NAALADL2: variants seen among roughly 807,000 people sequenced by gnomAD.
The protein encoded by NAALADL2 is N-acetylated alpha-linked acidic dipeptidase like 2.
In NAALADL2, 76 loss-of-function variants were observed where a neutral mutation model predicts 87.2. The observed-to-expected ratio is 0.87, with a 90% CI of 0.72 to 1.05. The LOEUF (loss-of-function observed/expected upper bound fraction) is 1.05. NAALADL2 is among the 50% of genes least tolerant of loss of function. The pLI, the probability that NAALADL2 is intolerant of heterozygous loss-of-function variation, is 0.00. For synonymous variants in NAALADL2, 354 were observed against 331.0 expected, an observed-to-expected ratio of 1.07 and a Z score of -0.75; for missense variants, 1,089 against 945.8, an observed-to-expected ratio of 1.15 and a Z score of -1.99.
intron 4 of NAALADL2, among the ~76,000 whole-genome samples, chr3:175,295,373 C>T (rs1031072680): frequency 6.6e-6 from 1 of 152,052 alleles, no homozygotes; most frequent in Non-Finnish European, 1.5e-5. Context: ...AACCTGAATT[C>T]GTTTCTTTTC....
intron 9 of NAALADL2, among the ~76,000 whole-genome samples, chr3:175,528,623 T>C (rs187426242): frequency 2.0e-5 from 3 of 152,272 alleles, no homozygotes; most frequent in Non-Finnish European, 4.4e-5. Flanking sequence ...CCTGAGATCA[T>C]ACATAAACTT....
intron 2 of NAALADL2, among the ~76,000 whole-genome samples, chr3:174,705,549 C>T (rs1431561978): frequency 3.9e-5 from 6 of 152,112 alleles, no homozygotes; most frequent in African/African-American, 1.4e-4. Context: ...CTTTGGGAGG[C>T]CGAGGCGGGT....
chr3:175,449,506 G>T (rs918088353), intron 6 of NAALADL2, among the ~76,000 whole-genome samples: 1 of 146,210 alleles, frequency 6.8e-6, no homozygotes, highest in African/African-American at 2.5e-5. Context: ...CACCATTCTC[G>T]CCTCAGCCTC....
intron 10 of NAALADL2, among the ~76,000 whole-genome samples, chr3:175,617,571 T>G (rs1725522030): frequency 6.6e-6 from 1 of 152,150 alleles, no homozygotes; most frequent in Non-Finnish European, 1.5e-5. Flanking sequence ...CAGGCAGCCA[T>G]TAGAGCCTCT....
intron 2 of NAALADL2, among the ~76,000 whole-genome samples, chr3:174,718,604 T>C (rs1399597022): frequency 6.6e-6 from 1 of 152,162 alleles, no homozygotes; most frequent in Admixed American, 6.5e-5. Context: ...AGACTGACAT[T>C]GTTCTCTCTA....
At chr3:175,155,635 A>T (rs16824291) in intron 2 of NAALADL2, among the ~76,000 whole-genome samples, 1,667 of 152,064 alleles carry the variant, frequency 0.011, 21 homozygotes, top group African/African-American at 0.037. Flanking sequence ...ACAGCTATGT[A>T]TGTGTGATTA....
At chr3:175,497,873 T>C (rs1173830745) in intron 9 of NAALADL2, among the ~76,000 whole-genome samples, 5 of 152,140 alleles carry the variant, frequency 3.3e-5, no homozygotes, top group African/African-American at 4.8e-5. Flanking sequence ...TAAATAGTTT[T>C]GTTTTGTTAT....
intron 9 of NAALADL2, among the ~76,000 whole-genome samples, chr3:175,539,797 AT>A (rs1468283266): frequency 3.9e-5 from 6 of 152,162 alleles, no homozygotes; most frequent in African/African-American, 1.4e-4. Context: ...ACTGAGAAAA[AT>A]TTTATGACAT....
At chr3:175,695,198 A>G (rs1348218549) in intron 11 of NAALADL2, among the ~76,000 whole-genome samples, 6 of 152,130 alleles carry the variant, frequency 3.9e-5, no homozygotes, top group Admixed American at 3.3e-4. Context: ...TCTTTCAGGC[A>G]TAGAATAGGG....
At chr3:174,895,260 TA>T (rs531405367) in intron 1 of NAALADL2, among the ~76,000 whole-genome samples, 85 of 149,716 alleles carry the variant, frequency 5.7e-4, no homozygotes, top group Non-Finnish European at 9.1e-4. Context: ...TTTGAAAACT[TA>T]AAAAAAAATT....
intron 2 of NAALADL2, among the ~76,000 whole-genome samples, chr3:175,113,864 C>T (rs1333646464): frequency 2.6e-5 from 4 of 151,436 alleles, no homozygotes; most frequent in Non-Finnish European, 4.4e-5. Flanking sequence ...CTGGAGAAAA[C>T]GCTGTCTCTG....
intron 10 of NAALADL2, among the ~76,000 whole-genome samples, chr3:175,588,580 C>CGA (rs1214434114): frequency 7.7e-6 from 1 of 129,174 alleles, no homozygotes; most frequent in African/African-American, 3.1e-5. Context: ...GCTCTGTCGC[C>CGA]GAGGCTGGAG....
At chr3:175,769,663 G>T (rs2150174220) in intron 13 of NAALADL2, among the ~76,000 whole-genome samples, 1 of 152,232 alleles carries the variant, frequency 6.6e-6, no homozygotes, top group African/African-American at 2.4e-5. Flanking sequence ...AGGCATGTCA[G>T]TCAGGATTTT....
chr3:174,636,219 T>A (rs1025607140), intron 2 of NAALADL2, among the ~76,000 whole-genome samples: 2 of 152,090 alleles, frequency 1.3e-5, no homozygotes, highest in Admixed American at 1.3e-4. Flanking sequence ...ACATAATACC[T>A]GAAACTATAA....
At chr3:174,517,907 T>C (rs2108404318) in intron 1 of NAALADL2, among the ~76,000 whole-genome samples, 1 of 152,280 alleles carries the variant, frequency 6.6e-6, no homozygotes, top group South Asian at 2.1e-4. Context: ...TTAAGTAAAG[T>C]ATTTACATAT....
At chr3:175,080,340 T>A (rs890840010) in intron 1 of NAALADL2, among the ~76,000 whole-genome samples, 1 of 152,248 alleles carries the variant, frequency 6.6e-6, no homozygotes, top group Non-Finnish European at 1.5e-5. Context: ...TTATTTCTGC[T>A]TTCAGTTCTG....
At chr3:174,620,474 G>T (rs1424926883) in intron 2 of NAALADL2, among the ~76,000 whole-genome samples, 1 of 151,806 alleles carries the variant, frequency 6.6e-6, no homozygotes, top group African/African-American at 2.4e-5. Context: ...TAAGTTAATA[G>T]GGCATTAATA....
At chr3:175,725,732 C>T (rs1021658031) in intron 11 of NAALADL2, among the ~76,000 whole-genome samples, 3 of 152,024 alleles carry the variant, frequency 2.0e-5, no homozygotes, top group African/African-American at 7.2e-5. Context: ...GTACTAGCTA[C>T]GTGGACCTTG....
chr3:175,453,423 G>A (rs1721866522), intron 6 of NAALADL2, among the ~76,000 whole-genome samples: 1 of 152,000 alleles, frequency 6.6e-6, no homozygotes, highest in African/African-American at 2.4e-5. Flanking sequence ...GCATGTCTGT[G>A]TCTCTAAGTT....
Sources: allele counts gnomAD v4.1 joint callset (sites outside exome capture counted in the v4.1 genomes callset), GRCh38; gene constraint gnomAD v4.1.1; transcripts MANE v1.5; gene names NCBI Gene and HGNC (gene_info 2026-07-23, HGNC 2026-07-21).